The following SRPRA variants were observed in gnomAD, a reference collection of about 807,000 sequenced individuals.
The protein encoded by SRPRA is SRP receptor subunit alpha, also known as signal recognition particle receptor subunit alpha.
Under a neutral mutation model 61.1 loss-of-function variants are expected in SRPRA, and 30 were observed. The observed-to-expected ratio is 0.49, with a 90% confidence interval of 0.37 to 0.67. The LOEUF (loss-of-function observed/expected upper bound fraction) is 0.67, where lower values mean the gene tolerates loss of function less well. SRPRA is among the 30% of genes least tolerant of loss of function. The pLI is 0.00. For synonymous variants in SRPRA, 324 were observed against 299.7 expected (o/e 1.08, Z -0.84); for missense variants, 759 against 828.4 (o/e 0.92, Z 1.03).
chr11:126,264,787 G>C lies in SRPRA; in HGVS notation c.1525+172C>G. On this transcript the variant is annotated intron_variant, in intron 11 of 13. Coordinates refer to ENST00000332118, the MANE Select transcript of SRPRA (RefSeq NM_003139.4). This position sits in a 1 kb window ranked among gnomAD's most constrained non-coding sequence, Gnocchi z 5.0. The stretch of plus-strand genomic sequence containing the variant: ...TGGTTAAGGTATATTAGCTTTGCCT[G>C]CAACTACATCTGTTATCCAAAAGCA... 1.3e-6 allele frequency: 1 copy of C among 780,332 alleles called. No homozygotes were observed. The highest frequency in any genetic ancestry group is 1.9e-5 in the South Asian group (1 of 53,450). 48.3% of individuals were successfully genotyped at this position (780,332 alleles called of 1,614,324 possible).
Position 126,264,184 on chromosome 11 carries a change from C to G in SRPRA, c.1788+7G>C, listed in dbSNP as rs768846228. ...ACGCCCATTCCAGCCTCCAGTCTCA[C>G]GTTTACCTTGTCATCAATGGTATCA... On this transcript the variant is annotated splice_region_variant and intron_variant, in intron 13 of 13. Coordinates refer to ENST00000332118, the MANE Select transcript of SRPRA (RefSeq NM_003139.4). The surrounding 1 kb of genome is among the most constrained non-coding windows in gnomAD (Gnocchi z 5.0). 3.1e-6 allele frequency: 5 copies of G among 1,613,846 alleles called. No individual in the cohort carries two copies. The highest frequency in any genetic ancestry group is 2.2e-5 in the East Asian group (1 of 44,880).
At chr11:126,257,111 A>G in the SRPRA span, among the ~76,000 whole-genome samples, 2 of 152,236 alleles carry the variant, frequency 1.3e-5, no homozygotes, top group Non-Finnish European at 2.9e-5. Flanking sequence ...ACTAGTTATC[A>G]ATGAAATGCA....
At chr11:126,236,917 C>CT in the SRPRA span, among the ~76,000 whole-genome samples, 145 of 68,384 alleles carry the variant, frequency 2.1e-3, 2 homozygotes, top group Non-Finnish European at 2.8e-3. Flanking sequence ...TTCACAGATG[C>CT]TTTTTTTTTT....
rs772276207 is a variant in SRPRA, at chr11:126,265,440, G to A, written c.1139C>T (p.Thr380Met). 7 of 1,609,190 alleles carry A rather than the reference G, an allele frequency of 4.4e-6. No individual in the cohort carries two copies. The highest frequency in any genetic ancestry group is 2.2e-5 in the South Asian group (2 of 90,640). Residue 380 changes from threonine (T) to methionine (M), a missense_variant and splice_region_variant, in exon 10 of 14, where the codon ACG becomes ATG. Thr to Met is a moderately conservative substitution (Grantham distance 81). Transcript: ENST00000332118. The surrounding 1 kb of genome is among the most constrained non-coding windows in gnomAD (Gnocchi z 6.3). ...GGCTTGCTTTACTGTGGAAGTCACC[G>A]CTGAAAGGGGAGGTGGAGGAGGTTG... ...LEGKVMGTFS[T>M]VTSTVKQALQ...
chr11:126,267,334 C>A lies in SRPRA; in HGVS notation c.367G>T (p.Glu123Ter). 6.2e-7 allele frequency: 1 copy of A among 1,611,658 alleles called. No homozygotes were observed. The highest frequency in any genetic ancestry group is 8.5e-7 in the Non-Finnish European group (1 of 1,179,408). Residue 123 changes from glutamate to a stop codon, truncating the protein, a stop_gained and splice_region_variant, in exon 4 of 14, where the codon GAA becomes TAA. Transcript: ENST00000332118. LOFTEE classifies it high-confidence loss of function. The surrounding 1 kb of genome is among the most constrained non-coding windows in gnomAD (Gnocchi z 4.2). ...CGGATCTTACTGCTCTCCTCTGCTT[C>A]ACTAAACAAAAAGGAGAATGGTTTA... ...FQNDFLRLLR[E>*]AEESSKIRAP... is the part of the protein sequence containing the mutation.
chr11:126,266,639 G>C lies in SRPRA; in HGVS notation c.687-10C>G, dbSNP rs764630565. 2 of 1,613,298 alleles carry C rather than the reference G, an allele frequency of 1.2e-6. No individual in the cohort carries two copies. Among genetic ancestry groups the C allele is most frequent in the East Asian group, 4.5e-5 (2 of 44,896 alleles). ...TGACTTCGTGGACTTGCTGCAACAG[G>C]TTATGATACAAAGAGTTATGGTGGA... is the stretch of plus-strand genomic sequence containing the variant. On this transcript the variant is annotated splice_polypyrimidine_tract_variant and intron_variant, in intron 5 of 13. Transcript: ENST00000332118.
the SRPRA span, among the ~76,000 whole-genome samples, chr11:126,250,991 T>A: frequency 6.6e-6 from 1 of 152,258 alleles, no homozygotes; most frequent in Non-Finnish European, 1.5e-5. The surrounding 1 kb of genome is among the most constrained non-coding windows in gnomAD (Gnocchi z 5.1). Context: ...TTAGAGGAAG[T>A]CACTTGAACT....
At chr11:126,256,891 A>G in the SRPRA span, 24 of 1,566,332 alleles carry the variant, frequency 1.5e-5, no homozygotes, top group Non-Finnish European at 2.1e-5. This position sits in a 1 kb window ranked among gnomAD's most constrained non-coding sequence, Gnocchi z 6.6. Context: ...TCAGAGAACA[A>G]CAGCTCTTCA....
chr11:126,249,751 A>AAAAG, the SRPRA span, among the ~76,000 whole-genome samples: 24 of 149,618 alleles, frequency 1.6e-4, no homozygotes, highest in African/African-American at 5.5e-4. Flanking sequence ...AAAAAAAAAA[A>AAAAG]AAAGAAAAAG....
At chr11:126,240,747 T>C in the SRPRA span, 3 of 1,535,276 alleles carry the variant, frequency 2.0e-6, no homozygotes, top group Non-Finnish European at 2.6e-6. Context: ...GTGTGCCTCA[T>C]ATCTATTGGA....
the SRPRA span, among the ~76,000 whole-genome samples, chr11:126,249,754 A>AT: frequency 1.4e-5 from 2 of 147,758 alleles, no homozygotes; most frequent in Non-Finnish European, 3.0e-5. Context: ...AAAAAAAAAA[A>AT]GAAAAAGAAA....
At chr11:126,262,879 G>A (rs575377144), downstream of SRPRA, 4 of 152,750 alleles carry the variant, frequency 2.6e-5, no homozygotes, top group South Asian at 6.2e-4. Flanking sequence ...ACAGTTAAGT[G>A]TGTTGTGGAA....
the SRPRA span, among the ~76,000 whole-genome samples, chr11:126,251,715 T>C: frequency 6.6e-6 from 1 of 152,156 alleles, no homozygotes; most frequent in South Asian, 2.1e-4. Context: ...TTGTAGCACT[T>C]AGTATTAACT....
chr11:126,242,035 A>G, the SRPRA span, among the ~76,000 whole-genome samples: 1 of 152,006 alleles, frequency 6.6e-6, no homozygotes, highest in East Asian at 1.9e-4. Context: ...AAAAAAAAAA[A>G]AAAAAAAAGG....
Position 126,263,807 on chromosome 11 carries a change from C to G in SRPRA, c.*109G>C. The G allele has an allele frequency of 6.7e-7, 1 of 1,487,900 alleles. No homozygotes were observed. Among genetic ancestry groups the G allele is most frequent in the Non-Finnish European group, 9.1e-7 (1 of 1,104,896 alleles). The allele number at this position is 1,487,900 out of a possible 1,614,324, so 92.2% of individuals were successfully genotyped here. On this transcript the variant is annotated 3_prime_UTR_variant, in exon 14 of 14. Coordinates refer to ENST00000332118, the MANE Select transcript of SRPRA (RefSeq NM_003139.4). ...GGAGCCACAAGCCCCCTCACTCTGC[C>G]TTTGTACTACACTGAAGACAGGTTG...
At chr11:126,262,112 C>T, downstream of SRPRA, 2 of 1,614,084 alleles carry the variant, frequency 1.2e-6, no homozygotes, top group Non-Finnish European at 8.5e-7. Flanking sequence ...TTTTCTTTCT[C>T]CCTACAGGCT....
chr11:126,266,627 T>G lies in SRPRA; in HGVS notation c.689A>C (p.Lys230Thr), dbSNP rs767926999. ...KHGRGMEKSN[K>T]STKSDAPKEK... Reference sequence around the variant, plus strand: ...CTTTGGAGCATCTGACTTCGTGGACTTGCTGCAACAGGTTATGATACAAAG... The same window carrying G: ...CTTTGGAGCATCTGACTTCGTGGACGTGCTGCAACAGGTTATGATACAAAG... The change falls in exon 6 of 14, where the codon AAG becomes ACG. Residue 230 changes from lysine (K) to threonine (T), a missense_variant and splice_region_variant. Lys to Thr is a moderately conservative substitution (Grantham distance 78). Transcript: ENST00000332118. 6.2e-7 allele frequency: 1 copy of G among 1,613,742 alleles called. No individual in the cohort carries two copies. The highest frequency in any genetic ancestry group is 8.5e-7 in the Non-Finnish European group (1 of 1,179,798).
In SRPRA at chr11:126,264,171, G is replaced by A; in HGVS notation, c.1788+20C>T. The A allele has an allele frequency of 6.2e-7, 1 of 1,613,204 alleles. No homozygotes were observed. Among genetic ancestry groups the A allele is most frequent in the Non-Finnish European group, 8.5e-7 (1 of 1,179,406 alleles). On this transcript the variant is annotated intron_variant, in intron 13 of 13. Coordinates refer to ENST00000332118, the MANE Select transcript of SRPRA (RefSeq NM_003139.4). The surrounding 1 kb of genome is among the most constrained non-coding windows in gnomAD (Gnocchi z 5.0). ...TCCTTTGTGCAGGACGCCCATTCCA[G>A]CCTCCAGTCTCACGTTTACCTTGTC... is the stretch of plus-strand genomic sequence containing the variant.
chr11:126,267,940 A>T lies in SRPRA; in HGVS notation c.201+63T>A. 1 of 1,543,710 alleles carries T rather than the reference A, an allele frequency of 6.5e-7. No individual in the cohort carries two copies. The highest frequency in any genetic ancestry group is 9.0e-7 in the Non-Finnish European group (1 of 1,116,922). On this transcript the variant is annotated intron_variant, in intron 2 of 13. Transcript: ENST00000332118. The surrounding 1 kb of genome is among the most constrained non-coding windows in gnomAD (Gnocchi z 4.2). Reference sequence around the variant, plus strand: ...ATATACACTGGCTGCAATTAATCAGAGTTCTCTTAAAAATCAGGGCTATGT... The same window carrying T: ...ATATACACTGGCTGCAATTAATCAGTGTTCTCTTAAAAATCAGGGCTATGT...
Sources: allele counts gnomAD v4.1 joint callset (sites outside exome capture counted in the v4.1 genomes callset), GRCh38; gene constraint gnomAD v4.1.1; non-coding constraint Gnocchi (gnomAD v3.1); transcripts MANE v1.5; gene names NCBI Gene and HGNC (gene_info 2026-07-23, HGNC 2026-07-21).